The following MYO1D variants were observed in gnomAD, a reference collection of about 807,000 sequenced individuals.
The protein encoded by MYO1D is unconventional myosin-Id.
In MYO1D, 83 loss-of-function variants were observed where a neutral mutation model predicts 122.0. The ratio of observed to expected loss-of-function variants is 0.68; its 90% CI spans 0.57 to 0.82. The LOEUF (loss-of-function observed/expected upper bound fraction) is 0.82. MYO1D is among the 40% of genes least tolerant of loss of function. The pLI is 0.00. For missense variants in MYO1D, 1,157 were observed against 1,269.5 expected, an observed-to-expected ratio of 0.91 and a Z score of 1.35; for synonymous variants, 464 against 446.9, an observed-to-expected ratio of 1.04 and a Z score of -0.48.
At chr17:32,742,738 CTG>C (rs1447427765) in intron 13 of MYO1D, among the ~76,000 whole-genome samples, 1 of 152,192 alleles carries the variant, frequency 6.6e-6, no homozygotes, top group Non-Finnish European at 1.5e-5. Context: ...TCTCACATTC[CTG>C]TCTCTGTAAC....
intron 21 of MYO1D, chr17:32,519,113 T>C (rs1910005775): frequency 6.6e-6 from 1 of 152,430 alleles, no homozygotes; most frequent in Admixed American, 6.5e-5. Flanking sequence ...GGGGAATCTC[T>C]TGGGTCCTTA....
chr17:32,833,619 CCTGGCCTTA>C (rs1343530211), intron 1 of MYO1D, among the ~76,000 whole-genome samples: 2 of 152,238 alleles, frequency 1.3e-5, no homozygotes, highest in African/African-American at 4.8e-5. Context: ...TATCAGCCTT[CCTGGCCTTA>C]CTGGCCTTCC....
At chr17:32,626,171 G>A (rs1439860789) in intron 20 of MYO1D, among the ~76,000 whole-genome samples, 1 of 152,318 alleles carries the variant, frequency 6.6e-6, no homozygotes, top group East Asian at 1.9e-4. Flanking sequence ...ATGTATGCTC[G>A]CACCACCAGT....
chr17:32,676,351 ATTT>A (rs376940405), intron 16 of MYO1D, among the ~76,000 whole-genome samples: 3 of 132,434 alleles, frequency 2.3e-5, no homozygotes. Flanking sequence ...TTGTTTCTCT[ATTT>A]TTTTTTTTTT....
chr17:32,839,268 C>T (rs561704241), intron 1 of MYO1D, among the ~76,000 whole-genome samples: 1 of 152,246 alleles, frequency 6.6e-6, no homozygotes. Context: ...AGAGGTATAC[C>T]TTGGTCCCAA....
chr17:32,567,170 G>T (rs947509990), intron 21 of MYO1D, among the ~76,000 whole-genome samples: 5 of 152,066 alleles, frequency 3.3e-5, no homozygotes, highest in Admixed American at 1.3e-4. Context: ...AGCAGGAAAT[G>T]AAAAAAGAAG....
intron 1 of MYO1D, among the ~76,000 whole-genome samples, chr17:32,851,038 A>G (rs2090982960): frequency 6.6e-6 from 1 of 152,176 alleles, no homozygotes; most frequent in Non-Finnish European, 1.5e-5. Flanking sequence ...AGGTTGACCA[A>G]TTGGAAACTC....
At chr17:32,663,018 C>T (rs147759647) in intron 16 of MYO1D, among the ~76,000 whole-genome samples, 2,819 of 151,270 alleles carry the variant, frequency 0.019, 73 homozygotes, top group African/African-American at 0.062. Context: ...CCTGGGTTCA[C>T]GCCATTCTCC....
At chr17:32,770,698 C>A (rs1006031764) in intron 6 of MYO1D, among the ~76,000 whole-genome samples, 13 of 152,050 alleles carry the variant, frequency 8.5e-5, no homozygotes, top group African/African-American at 3.1e-4. Flanking sequence ...TAGGGTACAT[C>A]AAAATCAACA....
intron 21 of MYO1D, among the ~76,000 whole-genome samples, chr17:32,562,578 G>A (rs897499384): frequency 3.3e-5 from 5 of 151,962 alleles, no homozygotes; most frequent in African/African-American, 1.2e-4. Context: ...GACCTCCTGG[G>A]CTCAAGTGAT....
At chr17:32,655,905 A>G (rs1223829130) in intron 17 of MYO1D, among the ~76,000 whole-genome samples, 1 of 152,130 alleles carries the variant, frequency 6.6e-6, no homozygotes, top group African/African-American at 2.4e-5. Context: ...AGGTGGAGGT[A>G]AGTGTTGGTT....
At chr17:32,683,454 G>T (rs1397675920) in intron 16 of MYO1D, among the ~76,000 whole-genome samples, 1 of 151,922 alleles carries the variant, frequency 6.6e-6, no homozygotes, top group African/African-American at 2.4e-5. Flanking sequence ...TGTTTGTTAA[G>T]TTTTCCTTCT....
At chr17:32,562,345 C>T (rs1046672748) in intron 21 of MYO1D, among the ~76,000 whole-genome samples, 1 of 37,400 alleles carries the variant, frequency 2.7e-5, no homozygotes, top group Non-Finnish European at 4.4e-5. Context: ...AGGTAAGCTG[C>T]AAAATATTTC....
At chr17:32,775,726 C>T (rs9892827) in intron 4 of MYO1D, 138 bp downstream of exon 4, 511,437 of 777,844 alleles carry the variant, frequency 0.66, 169,323 homozygotes, top group South Asian at 0.74. Flanking sequence ...AAGGAGAATA[C>T]CTTATCATAA....
chr17:32,803,424 G>T (rs1447931720), intron 1 of MYO1D, among the ~76,000 whole-genome samples: 2 of 152,112 alleles, frequency 1.3e-5, no homozygotes, highest in Non-Finnish European at 2.9e-5. Flanking sequence ...GGGATTACAG[G>T]TGTAAGCCAC....
chr17:32,849,906 A>T (rs1484640676), intron 1 of MYO1D, among the ~76,000 whole-genome samples: 1 of 152,234 alleles, frequency 6.6e-6, no homozygotes, highest in African/African-American at 2.4e-5. Flanking sequence ...GTTTAAAACA[A>T]AACACGGAAG....
intron 20 of MYO1D, among the ~76,000 whole-genome samples, chr17:32,623,340 T>TG (rs1195531764): frequency 1.3e-5 from 2 of 152,210 alleles, no homozygotes; most frequent in Non-Finnish European, 2.9e-5. Flanking sequence ...AAGTTTGTTC[T>TG]GGACCTCAGC....
At chr17:32,830,857 A>T (rs2090765569) in intron 1 of MYO1D, among the ~76,000 whole-genome samples, 1 of 152,202 alleles carries the variant, frequency 6.6e-6, no homozygotes. Flanking sequence ...CAGGAGATGG[A>T]GACCAACCTG....
intron 16 of MYO1D, among the ~76,000 whole-genome samples, chr17:32,709,221 G>A (rs1442246873): frequency 2.0e-5 from 3 of 152,054 alleles, no homozygotes; most frequent in Non-Finnish European, 2.9e-5. Flanking sequence ...AGTAAAAGGG[G>A]TACTATTAAT....
Sources: allele counts gnomAD v4.1 joint callset (sites outside exome capture counted in the v4.1 genomes callset), GRCh38; gene constraint gnomAD v4.1.1; transcripts MANE v1.5; gene names NCBI Gene and HGNC (gene_info 2026-07-23, HGNC 2026-07-21).